CACNA2D2: variants seen among roughly 807,000 people sequenced by gnomAD.
CACNA2D2 encodes the protein voltage-dependent calcium channel subunit alpha-2/delta-2.
Under a neutral mutation model 166.4 loss-of-function variants are expected in CACNA2D2, and 48 were observed. The observed-to-expected ratio is 0.29, with a 90% confidence interval of 0.23 to 0.37. CACNA2D2 has a LOEUF of 0.37. Ranked by LOEUF, CACNA2D2 falls within the 10% of genes least tolerant of loss-of-function variation. The pLI is 1.00. For synonymous variants in CACNA2D2, 561 were observed against 573.7 expected, an observed-to-expected ratio of 0.98 and a Z score of 0.32; for missense variants, 1,122 against 1,433.0, an observed-to-expected ratio of 0.78 and a Z score of 3.50.
chr3:50,464,449 A>G (rs1168740730), intron 2 of CACNA2D2, among the ~76,000 whole-genome samples: 2 of 152,128 alleles, frequency 1.3e-5, no homozygotes, highest in Non-Finnish European at 2.9e-5. Context: ...CTACCCCAGG[A>G]GCTGGTCTGA....
chr3:50,471,544 G>T (rs757433685), intron 2 of CACNA2D2, among the ~76,000 whole-genome samples: 1 of 152,166 alleles, frequency 6.6e-6, no homozygotes, highest in Non-Finnish European at 1.5e-5. Context: ...GAGGGCACCC[G>T]CCCAGAGTGT....
At chr3:50,455,198 C>T (rs1287831455) in intron 2 of CACNA2D2, among the ~76,000 whole-genome samples, 1 of 152,228 alleles carries the variant, frequency 6.6e-6, no homozygotes, top group Non-Finnish European at 1.5e-5. Flanking sequence ...ACACACACCC[C>T]AAGCCACACA....
intron 1 of CACNA2D2, among the ~76,000 whole-genome samples, chr3:50,478,562 G>A (rs1309583240): frequency 2.0e-5 from 3 of 152,232 alleles, no homozygotes; most frequent in Admixed American, 2.0e-4. Flanking sequence ...ACAAGGTGCA[G>A]TGCCAGCATG....
chr3:50,481,978 G>C (rs1027513856), intron 1 of CACNA2D2, among the ~76,000 whole-genome samples: 3 of 152,206 alleles, frequency 2.0e-5, no homozygotes, highest in African/African-American at 7.2e-5. Context: ...GTGGGTGACA[G>C]AGCGAGACTG....
chr3:50,372,980 G>T, intron 22 of CACNA2D2: 1 of 1,123,332 alleles, frequency 8.9e-7, no homozygotes, highest in Non-Finnish European at 1.3e-6. Flanking sequence ...GGTTTGGCTG[G>T]TCCTGGGCAG....
chr3:50,489,043 C>T (rs1698411089), intron 1 of CACNA2D2, among the ~76,000 whole-genome samples: 1 of 152,170 alleles, frequency 6.6e-6, no homozygotes, highest in African/African-American at 2.4e-5. Context: ...AGAACATCAT[C>T]TCCTGAGAAC....
chr3:50,446,426 C>T lies in CACNA2D2; in HGVS notation c.289-11997G>A, dbSNP rs1483878797. Among the ~76,000 whole-genome samples, 32 of 152,220 alleles carry T rather than the reference C, an allele frequency of 2.1e-4. 1 individual carries two copies. The highest frequency in any genetic ancestry group is 2.1e-3 in the Admixed American group (32 of 15,284). On this transcript the variant is annotated intron_variant, in intron 2 of 37. Transcript: ENST00000424201. ...AATGACTACATGGACTTACCACATG[C>T]ATGAACACAGACCCTGTTTCGGACT...
chr3:50,369,039 T>C (rs932696423), intron 23 of CACNA2D2, among the ~76,000 whole-genome samples: 1 of 152,224 alleles, frequency 6.6e-6, no homozygotes, highest in Non-Finnish European at 1.5e-5. Context: ...TTCCCCAAGC[T>C]GTGGTAGGGC....
intron 2 of CACNA2D2, among the ~76,000 whole-genome samples, chr3:50,435,578 G>C (rs1419430965): frequency 6.8e-6 from 1 of 146,658 alleles, no homozygotes; most frequent in Admixed American, 6.9e-5. Context: ...CAAGCAGAGA[G>C]AGATAAGGTC....
intron 3 of CACNA2D2, among the ~76,000 whole-genome samples, chr3:50,396,197 T>A (rs1331287376): frequency 6.6e-6 from 1 of 151,964 alleles, no homozygotes; most frequent in Admixed American, 6.6e-5. Flanking sequence ...AGAGTGCCCC[T>A]CTGAGGCAGG....
intron 1 of CACNA2D2, among the ~76,000 whole-genome samples, chr3:50,481,136 A>G (rs1255140958): frequency 1.3e-5 from 2 of 152,054 alleles, no homozygotes; most frequent in Admixed American, 1.3e-4. Context: ...AACCAGAGAC[A>G]GGTGACACAG....
intron 2 of CACNA2D2, among the ~76,000 whole-genome samples, chr3:50,465,997 C>T (rs147851973): frequency 6.6e-6 from 1 of 152,316 alleles, no homozygotes; most frequent in East Asian, 1.9e-4. Flanking sequence ...GAGGCTCTGG[C>T]TCCTTGCTCC....
At chr3:50,481,815 G>A (rs1179635731) in intron 1 of CACNA2D2, among the ~76,000 whole-genome samples, 3 of 152,092 alleles carry the variant, frequency 2.0e-5, no homozygotes, top group Admixed American at 2.0e-4. Context: ...GGGCAACACG[G>A]TGAAACCCTG....
intron 2 of CACNA2D2, among the ~76,000 whole-genome samples, chr3:50,446,032 T>C (rs754261127): frequency 7.2e-5 from 11 of 152,216 alleles, no homozygotes; most frequent in Admixed American, 5.2e-4. Flanking sequence ...TGCACAGTGT[T>C]TGCCATGCAA....
At chr3:50,394,510 G>C (rs1217023516) in intron 3 of CACNA2D2, among the ~76,000 whole-genome samples, 2 of 152,210 alleles carry the variant, frequency 1.3e-5, no homozygotes, top group Non-Finnish European at 1.5e-5. Flanking sequence ...AGCTCCTCTG[G>C]AGCTAAGGCT....
At chr3:50,441,566 C>T (rs1393025507) in intron 2 of CACNA2D2, among the ~76,000 whole-genome samples, 1 of 152,250 alleles carries the variant, frequency 6.6e-6, no homozygotes, top group Non-Finnish European at 1.5e-5. Context: ...CTGTGCAGAG[C>T]CTGCCTGTGA....
At chr3:50,381,835 C>G (rs975246125) in intron 6 of CACNA2D2, among the ~76,000 whole-genome samples, 2 of 152,104 alleles carry the variant, frequency 1.3e-5, no homozygotes, top group Non-Finnish European at 2.9e-5. Context: ...CACAAGGGCA[C>G]ACACGTTCAT....
chr3:50,377,419 G>C, intron 17 of CACNA2D2, 48 bp downstream of exon 17: 3 of 1,469,286 alleles, frequency 2.0e-6, no homozygotes, highest in Non-Finnish European at 2.9e-6. Flanking sequence ...GAGCCTGCCT[G>C]TGTCCACATG....
intron 3 of CACNA2D2, among the ~76,000 whole-genome samples, chr3:50,423,036 C>A (rs1451502397): frequency 6.6e-6 from 1 of 152,198 alleles, no homozygotes; most frequent in East Asian, 1.9e-4. Context: ...CCTGTTCCCC[C>A]ATCTGTCTCT....
Sources: gnomAD v4.1 joint callset for allele counts (sites outside exome capture counted in the v4.1 genomes callset) on GRCh38, gnomAD v4.1.1 for gene constraint, MANE v1.5 for transcripts, NCBI Gene and HGNC (gene_info 2026-07-23, HGNC 2026-07-21) for gene names.